Variants in WNK1 observed in about 807,000 individuals in gnomAD.
The protein encoded by WNK1 is serine/threonine-protein kinase WNK1.
Under a neutral mutation model 222.8 loss-of-function variants are expected in WNK1, and 38 were observed. The observed-to-expected ratio is 0.17, with a 90% CI of 0.13 to 0.22. The LOEUF (loss-of-function observed/expected upper bound fraction) is 0.22. Among genes scored for constraint, WNK1 ranks in the 10% least tolerant of loss-of-function variants. The pLI, the probability that WNK1 is intolerant of heterozygous loss-of-function variation, is 1.00. For missense variants in WNK1, 2,348 were observed against 2,918.4 expected (o/e 0.80, Z 4.50); for synonymous variants, 1,090 against 1,092.9 (o/e 1.00, Z 0.05).
intron 1 of WNK1, among the ~76,000 whole-genome samples, chr12:768,775 A>G (rs1228062814): frequency 2.0e-5 from 3 of 152,036 alleles, no homozygotes; most frequent in Admixed American, 1.3e-4. Flanking sequence ...ATATTACACA[A>G]TATAATTTTT....
At chr12:863,224 C>T (rs72648701) in intron 8 of WNK1, among the ~76,000 whole-genome samples, 4 of 152,082 alleles carry the variant, frequency 2.6e-5, no homozygotes, top group South Asian at 2.1e-4. Context: ...AAATCTTTCT[C>T]TGTTAAGAAA....
intron 4 of WNK1, among the ~76,000 whole-genome samples, chr12:842,564 G>T (rs1191848791): frequency 6.6e-6 from 1 of 151,928 alleles, no homozygotes; most frequent in Non-Finnish European, 1.5e-5. Context: ...TCTTCCCTGA[G>T]ACTTCATAGG....
intron 20 of WNK1, among the ~76,000 whole-genome samples, chr12:887,893 A>G (rs935022303): frequency 2.2e-4 from 33 of 151,622 alleles, no homozygotes; most frequent in African/African-American, 7.5e-4. Flanking sequence ...GAGATCACTC[A>G]TGGAGGAACT....
At position 882,072 on chromosome 12, in the gene WNK1, A is replaced by G. The variant is rs146034789; in HGVS notation, c.3371A>G (p.Asn1124Ser). The change falls in exon 14 of 28, where the codon AAT (asparagine) becomes AGT (serine). Residue 1124 changes from asparagine (N) to serine (S), a missense_variant and splice_region_variant. Transcript: ENST00000315939. Reference sequence around the variant, plus strand: ...TCACGCCCAAAATTAAGAATTTTGAATGTAAGTATTCCTAATTTGTGAGTT... The same window carrying G: ...TCACGCCCAAAATTAAGAATTTTGAGTGTAAGTATTCCTAATTTGTGAGTT... ...KTSRPKLRIL[N>S]VSNKGDRVVE... 3 of 1,609,392 alleles carry G rather than the reference A, an allele frequency of 1.9e-6. No homozygotes were observed. Among genetic ancestry groups the G allele is most frequent in the Non-Finnish European group, 2.5e-6 (3 of 1,177,518 alleles).
rs1376263075 is a variant in WNK1, at chr12:887,212, T to C, written c.5281-9T>C. 1.2e-6 allele frequency: 2 copies of C among 1,614,162 alleles called. No homozygotes were observed. Among genetic ancestry groups the C allele is most frequent in the East Asian group, 2.2e-5 (1 of 44,886 alleles). On this transcript the variant is annotated splice_polypyrimidine_tract_variant and intron_variant, in intron 19 of 27. Transcript: ENST00000315939. Reference sequence around the variant, plus strand: ...CTCACGGACTTGATTTTCCCTTTGTTGTCTGTAGGTGCTGCCAGTGGGTAC... The same window carrying C: ...CTCACGGACTTGATTTTCCCTTTGTCGTCTGTAGGTGCTGCCAGTGGGTAC...
At chr12:811,495 G>T (rs1168173557) in intron 1 of WNK1, among the ~76,000 whole-genome samples, 2 of 152,092 alleles carry the variant, frequency 1.3e-5, no homozygotes, top group African/African-American at 4.8e-5. Flanking sequence ...TTGTGAGTCA[G>T]TTCGTCTCAC....
intron 4 of WNK1, among the ~76,000 whole-genome samples, chr12:840,662 C>T (rs1949560245): frequency 1.3e-5 from 2 of 152,182 alleles, no homozygotes; most frequent in South Asian, 2.1e-4. Context: ...CTATTAGGCC[C>T]TTAACAGGAA....
chr12:809,715 A>G (rs572874795), intron 1 of WNK1, among the ~76,000 whole-genome samples: 18 of 152,314 alleles, frequency 1.2e-4, no homozygotes, highest in African/African-American at 4.3e-4. Context: ...TACTTCTGTC[A>G]TCTTTGAATT....
Position 887,265 on chromosome 12 carries a change from C to T in WNK1, c.5325C>T (p.Ser1775=), listed in dbSNP as rs373370309. 1.1e-5 allele frequency: 17 copies of T among 1,614,054 alleles called. No individual in the cohort carries two copies. Among genetic ancestry groups the T allele is most frequent in the East Asian group, 4.5e-5 (2 of 44,896 alleles). The part of the protein sequence containing the change: ...GTELPAGTLP[S]EQLPPFPGPS... ...AACTTCCAGCAGGTACTCTACCCAG[C>T]GAGCAGCTGCCACCTTTTCCAGGAC... is the stretch of plus-strand genomic sequence containing the variant. The change falls in exon 20 of 28, where the codon AGC becomes AGT. Residue 1775 remains serine, a synonymous_variant. Transcript: ENST00000315939.
chr12:868,984 C>T (rs1951916193), intron 8 of WNK1: 1 of 1,599,386 alleles, frequency 6.3e-7, no homozygotes, highest in South Asian at 1.1e-5. Flanking sequence ...TGCCCTTTAT[C>T]CATCTGCCTC....
chr12:768,810 G>GTTTTTTTGTTT (rs775119036), intron 1 of WNK1, among the ~76,000 whole-genome samples: 11 of 151,692 alleles, frequency 7.3e-5, no homozygotes, highest in Non-Finnish European at 1.3e-4. Flanking sequence ...AATGGATGAA[G>GTTTTTTTGTTT]TTTTTTTGTT....
rs150113638 is a variant in WNK1 at position 868,829 on chromosome 12, G to T, written c.2140-2436G>T. On this transcript the variant is annotated intron_variant, in intron 8 of 27. Transcript: ENST00000315939. ...TGCCCCAGAATTGACCGTTTCTGTG[G>T]TAGAGCCTATCGGACAGAACTGGCC... 6.9e-5 allele frequency: 111 copies of T among 1,614,040 alleles called. No individual in the cohort carries two copies. The East Asian group carries it at 2.2e-3, about 32-fold the overall frequency.
chr12:760,890 C>T (rs1940926872), intron 1 of WNK1, among the ~76,000 whole-genome samples: 1 of 146,234 alleles, frequency 6.8e-6, no homozygotes, highest in Non-Finnish European at 1.5e-5. Flanking sequence ...TCTCCTGCCT[C>T]AGCCTCCAGA....
Position 754,250 on chromosome 12 carries a change from A to C in WNK1, c.685A>C (p.Arg229=). The part of the protein sequence containing the change: ...RFLKFDIEIG[R]GSFKTVYKGL... ...TCTCAAGTTTGACATCGAAATCGGC[A>C]GAGGCTCCTTTAAGACGGTCTACAA... The change falls in exon 1 of 28, where the codon AGA becomes CGA. Residue 229 remains arginine (R), a synonymous_variant. Coordinates refer to ENST00000315939, the MANE Select transcript of WNK1 (RefSeq NM_018979.4). 1 of 1,613,704 alleles carries C rather than the reference A, an allele frequency of 6.2e-7. No individual in the cohort carries two copies. The highest frequency in any genetic ancestry group is 8.5e-7 in the Non-Finnish European group (1 of 1,180,036).
Position 827,385 on chromosome 12 carries a change from G to T in WNK1, c.1153+123G>T, listed in dbSNP as rs1948431477. 1.2e-6 allele frequency: 1 copy of T among 836,946 alleles called. No homozygotes were observed. The highest frequency in any genetic ancestry group is 2.0e-6 in the Non-Finnish European group (1 of 494,520). 51.8% of individuals were successfully genotyped at this position (836,946 alleles called of 1,614,324 possible). On this transcript the variant is annotated intron_variant, in intron 3 of 27. Transcript: ENST00000315939. The surrounding 1 kb of genome is among the most constrained non-coding windows in gnomAD (Gnocchi z 4.6). ...AGAAATTCATAGCTTGAACTCAGGAGGTGATCCATTGTACTTATGAGATAT... is the reference window on the plus strand; with the variant it reads ...AGAAATTCATAGCTTGAACTCAGGATGTGATCCATTGTACTTATGAGATAT...
rs935264744 is a variant in WNK1 at position 797,822 on chromosome 12, G to A, written c.760-15820G>A. On this transcript the variant is annotated intron_variant, in intron 1 of 27. Transcript: ENST00000315939. ...AAATTAGCCGGGCATGGTGGCGGGC[G>A]CCTGTAATCTCAGCTACTCAGGAGG... Among the ~76,000 whole-genome samples, 10 of 151,746 alleles carry A rather than the reference G, an allele frequency of 6.6e-5. No individual in the cohort carries two copies. In the East Asian group the frequency reaches 1.8e-3, roughly 27 times the overall value.
chr12:880,005 C>T lies in WNK1; in HGVS notation c.2806C>T (p.Leu936Phe). Residue 936 changes from leucine (L) to phenylalanine (F), a missense_variant, in exon 11 of 28, where the codon CTT becomes TTT. This residue lies in a region of WNK1 where 547 missense variants were observed against 558.3 expected (regional missense o/e 0.98). Coordinates refer to ENST00000315939, the MANE Select transcript of WNK1 (RefSeq NM_018979.4). ...ANLGQAAEVP[L>F]SSGDVLYQGF... Reference sequence around the variant, plus strand: ...CCTTGGACAAGCTGCTGAGGTTCCACTTTCCTCTGGAGATGTTCTGTACCA... The same window carrying T: ...CCTTGGACAAGCTGCTGAGGTTCCATTTTCCTCTGGAGATGTTCTGTACCA... The T allele has an allele frequency of 2.5e-6, 4 of 1,614,202 alleles. No homozygotes were observed. Among genetic ancestry groups the T allele is most frequent in the Non-Finnish European group, 3.4e-6 (4 of 1,180,030 alleles).
At chr12:776,048 A>G (rs1468693754) in intron 1 of WNK1, among the ~76,000 whole-genome samples, 1 of 152,186 alleles carries the variant, frequency 6.6e-6, no homozygotes, top group Non-Finnish European at 1.5e-5. Flanking sequence ...CCCCAAAGAC[A>G]ATAAAGACAG....
At chr12:848,706 C>T (rs1369077566) in intron 4 of WNK1, among the ~76,000 whole-genome samples, 2 of 151,460 alleles carry the variant, frequency 1.3e-5, no homozygotes, top group Non-Finnish European at 2.9e-5. Flanking sequence ...AATAATGACA[C>T]GATTGAAAGA....
Sources: gnomAD v4.1 joint callset for allele counts (sites outside exome capture counted in the v4.1 genomes callset) on GRCh38, gnomAD v4.1.1 for gene constraint, gnomAD v4.1.1 regional missense constraint, Gnocchi (gnomAD v3.1) non-coding constraint, MANE v1.5 for transcripts, NCBI Gene and HGNC (gene_info 2026-07-23, HGNC 2026-07-21) for gene names.